Variants in WNT2B observed in about 807,000 individuals in gnomAD.
The protein encoded by WNT2B is protein Wnt-2b.
WNT2B carries 19 observed loss-of-function variants against 40.5 expected under a neutral mutation model. The observed-to-expected ratio is 0.47, with a 90% CI of 0.33 to 0.69. WNT2B has a LOEUF of 0.69. Among genes scored for constraint, WNT2B ranks in the 30% least tolerant of loss-of-function variants. The probability of loss-of-function intolerance (pLI) is 0.02; values close to 1 mark genes in which losing one functional copy is unlikely to be tolerated. For synonymous variants in WNT2B, 220 were observed against 211.9 expected (o/e 1.04, Z -0.33); for missense variants, 467 against 556.4 (o/e 0.84, Z 1.62).
rs186275624 is a variant in WNT2B, at chr1:112,492,455, T to C, written c.-94-22419T>C. Among the ~76,000 whole-genome samples, 14 of 152,274 alleles carry C rather than the reference T, an allele frequency of 9.2e-5. No homozygotes were observed. The East Asian group carries it at 2.5e-3, about 27-fold the overall frequency. On this transcript the variant is annotated intron_variant, in intron 1 of 4. Coordinates refer to the WNT2B transcript ENST00000256640. ...GACTCAGTATGGACAACTCTGAGAA[T>C]TAAAAACTCCAGGGGAAGCCAGTCA...
rs1653845302 is a variant in WNT2B at position 112,528,588 on chromosome 1, T to C, written c.*8079T>C. On this transcript the variant is annotated 3_prime_UTR_variant, in exon 5 of 5. Transcript: ENST00000369684. ...TTGAGATTCTGGGCTAAGTAAGAGA[T>C]ATCAAATATCCTATCCAGTACTGTG... 6.6e-6 allele frequency: 1 copy of C among 152,232 alleles called. No homozygotes were observed. The highest frequency in any genetic ancestry group is 1.5e-5 in the Non-Finnish European group (1 of 68,040). The allele number at this position is 152,232 out of a possible 1,614,324, so 9.4% of individuals were successfully genotyped here. A position where few individuals can be genotyped will look rare whatever the true frequency, so the allele number is the denominator to read the frequency against.
chr1:112,490,698 C>T (rs1489962103), intron 1 of WNT2B, among the ~76,000 whole-genome samples: 1 of 152,062 alleles, frequency 6.6e-6, no homozygotes, highest in Non-Finnish European at 1.5e-5. Flanking sequence ...ACCGTGTTAG[C>T]CAGGATGGTC....
upstream of WNT2B, among the ~76,000 whole-genome samples, chr1:112,507,715 A>C (rs376777058): frequency 1.3e-5 from 2 of 152,322 alleles, no homozygotes; most frequent in South Asian, 2.1e-4. Flanking sequence ...AGTTGGGGGC[A>C]TCGGCAGTTA....
At chr1:112,472,162 A>G (rs189257578) in intron 1 of WNT2B, among the ~76,000 whole-genome samples, 31 of 152,352 alleles carry the variant, frequency 2.0e-4, no homozygotes, top group African/African-American at 6.3e-4. Context: ...TTGCCCCCCA[A>G]CAGGAAGGAG....
At chr1:112,507,540 C>T (rs778931421), upstream of WNT2B, among the ~76,000 whole-genome samples, 39 of 152,166 alleles carry the variant, frequency 2.6e-4, no homozygotes, top group Non-Finnish European at 4.6e-4. Context: ...CGCTAGGACC[C>T]GGAGGCGGTG....
intron 1 of WNT2B, among the ~76,000 whole-genome samples, chr1:112,470,788 G>A (rs998634156): frequency 1.3e-5 from 2 of 152,154 alleles, no homozygotes; most frequent in African/African-American, 4.8e-5. Context: ...GTGGGTGTGG[G>A]GGAGGAAGGG....
rs772835053 is a variant in WNT2B, at chr1:112,526,121, A to C, written c.*5612A>C. 59 of 1,613,992 alleles carry C rather than the reference A, an allele frequency of 3.7e-5. No individual in the cohort carries two copies. The highest frequency in any genetic ancestry group is 4.8e-5 in the Non-Finnish European group (57 of 1,179,990). ...ACCAGAGTCCCAGCACCTTCAAAAC[A>C]GAAATTGATACAAAATGTTCAAGCC... On this transcript the variant is annotated 3_prime_UTR_variant, in exon 5 of 5. Transcript: ENST00000369684.
chr1:112,507,791 G>A (rs1347040964), upstream of WNT2B, among the ~76,000 whole-genome samples: 1 of 152,238 alleles, frequency 6.6e-6, no homozygotes, highest in African/African-American at 2.4e-5. Context: ...CCTGCGAGGT[G>A]GGAGAAACTG....
In WNT2B at chr1:112,493,940, C is replaced by CA. The variant is rs79773849; in HGVS notation, c.-94-20921dup. Among the ~76,000 whole-genome samples, 941 of 138,838 alleles carry CA rather than the reference C, an allele frequency of 6.8e-3. 8 individuals are homozygous for CA. The highest frequency in any genetic ancestry group is 0.023 in the African/African-American group (828 of 36,072). 91.1% of individuals were successfully genotyped at this position (138,838 alleles called of 152,430 possible). On this transcript the variant is annotated intron_variant, in intron 1 of 4. Transcript: ENST00000256640. ...ATTTAAAACTGCAAAAAATCTAAGA[C>CA]AAAAAAAAAAAAACGATATTGAAAG...
At chr1:112,508,782 A>T, upstream of WNT2B, 1 of 987,240 alleles carries the variant, frequency 1.0e-6, no homozygotes, top group Admixed American at 6.1e-5. This position sits in a 1 kb window ranked among gnomAD's most constrained non-coding sequence, Gnocchi z 4.2. Flanking sequence ...GTGCGGGAGC[A>T]GGTGGGGGTG....
intron 1 of WNT2B, among the ~76,000 whole-genome samples, chr1:112,486,823 T>G (rs974754849): frequency 6.6e-5 from 10 of 152,158 alleles, no homozygotes; most frequent in Non-Finnish European, 1.0e-4. Flanking sequence ...TAAAAGAACT[T>G]TTTATATTAT....
chr1:112,490,229 CA>C (rs1417842770), intron 1 of WNT2B, among the ~76,000 whole-genome samples: 2 of 152,096 alleles, frequency 1.3e-5, no homozygotes, highest in Non-Finnish European at 2.9e-5. Flanking sequence ...ACAAAGACAA[CA>C]AAAACCTCTG....
rs11318218 is a variant in WNT2B at position 112,526,739 on chromosome 1, CAA to C, written c.*6244_*6245del. 7.8e-4 allele frequency: 95 copies of C among 121,362 alleles called. No homozygotes were observed. Among genetic ancestry groups the C allele is most frequent in the East Asian group, 2.3e-3 (10 of 4,308 alleles). The allele number at this position is 121,362 out of a possible 1,614,324, so 7.5% of individuals were successfully genotyped here. A position where few individuals can be genotyped will look rare whatever the true frequency, so the allele number is the denominator to read the frequency against. On this transcript the variant is annotated 3_prime_UTR_variant, in exon 5 of 5. Coordinates refer to ENST00000369684, the MANE Select transcript of WNT2B (RefSeq NM_024494.3). Reference sequence around the variant, plus strand: ...TGGGAGACAGAGCGAGACTCCGTCACAAAAAAAAAAAAAAAGAAGGTATGTAT... The same window carrying C: ...TGGGAGACAGAGCGAGACTCCGTCACAAAAAAAAAAAAAGAAGGTATGTAT...
intron 1 of WNT2B, among the ~76,000 whole-genome samples, chr1:112,510,121 G>T (rs930279418): frequency 6.6e-6 from 1 of 152,146 alleles, no homozygotes; most frequent in African/African-American, 2.4e-5. Flanking sequence ...CCAGAGGGCT[G>T]CGGAGTCCCA....
chr1:112,504,313 C>T (rs913140289), upstream of WNT2B, among the ~76,000 whole-genome samples: 1 of 151,998 alleles, frequency 6.6e-6, no homozygotes, highest in African/African-American at 2.4e-5. Context: ...TCCTTTACAT[C>T]CCTCTCTTCC....
chr1:112,500,793 T>A (rs1172172486), intron 1 of WNT2B, among the ~76,000 whole-genome samples: 1 of 152,166 alleles, frequency 6.6e-6, no homozygotes, highest in Non-Finnish European at 1.5e-5. Context: ...TAAAATCTTA[T>A]ATTTTAGAGC....
intron 1 of WNT2B, among the ~76,000 whole-genome samples, chr1:112,493,613 C>A (rs959218925): frequency 2.0e-5 from 3 of 151,662 alleles, no homozygotes; most frequent in African/African-American, 4.9e-5. Context: ...CGGAGCAAGA[C>A]CCTATCTCAA....
chr1:112,526,061 C>T lies in WNT2B; in HGVS notation c.*5552C>T, dbSNP rs1363084754. ...CTTCTGACTTCAAATCCTGTGTATTCTCCTCAAAGCCTGAGGATGCCCAGG... is the reference window on the plus strand; with the variant it reads ...CTTCTGACTTCAAATCCTGTGTATTTTCCTCAAAGCCTGAGGATGCCCAGG... On this transcript the variant is annotated 3_prime_UTR_variant, in exon 5 of 5. Transcript: ENST00000369684. 2 of 1,614,194 alleles carry T rather than the reference C, an allele frequency of 1.2e-6. No individual in the cohort carries two copies. Among genetic ancestry groups the T allele is most frequent in the Non-Finnish European group, 1.7e-6 (2 of 1,180,046 alleles).
chr1:112,507,250 C>G (rs1301270827), upstream of WNT2B, among the ~76,000 whole-genome samples: 1 of 152,184 alleles, frequency 6.6e-6, no homozygotes, highest in South Asian at 2.1e-4. Context: ...TTAACATACT[C>G]TGTTTTACTT....
Sources: allele counts gnomAD v4.1 joint callset (sites outside exome capture counted in the v4.1 genomes callset), GRCh38; gene constraint gnomAD v4.1.1; non-coding constraint Gnocchi (gnomAD v3.1); transcripts MANE v1.5; gene names NCBI Gene and HGNC (gene_info 2026-07-23, HGNC 2026-07-21).